Variants in ABCB1 observed in about 807,000 individuals in gnomAD.
ABCB1 encodes ATP binding cassette subfamily B member 1, also known as ATP-dependent translocase ABCB1.
Under a neutral mutation model 142.0 loss-of-function variants are expected in ABCB1, and 69 were observed. The ratio of observed to expected loss-of-function variants is 0.49; its 90% confidence interval spans 0.40 to 0.59. The LOEUF (loss-of-function observed/expected upper bound fraction) is 0.59, where lower values mean the gene tolerates loss of function less well. Among genes scored for constraint, ABCB1 ranks in the 20% least tolerant of loss-of-function variants. ABCB1 has a pLI of 0.00. For missense variants in ABCB1, 1,326 were observed against 1,554.7 expected (o/e 0.85, Z 2.47); for synonymous variants, 532 against 539.2 (o/e 0.99, Z 0.18).
intron 7 of ABCB1, among the ~76,000 whole-genome samples, chr7:87,563,934 G>A (rs192998990): frequency 2.0e-5 from 3 of 152,314 alleles, no homozygotes; most frequent in Admixed American, 2.0e-4. Context: ...AATACTGCAT[G>A]TTCTCACTTA....
At chr7:87,616,103 A>G (rs1820024379) in intron 1 of ABCB1, among the ~76,000 whole-genome samples, 1 of 152,236 alleles carries the variant, frequency 6.6e-6, no homozygotes, top group African/African-American at 2.4e-5. Context: ...TAGTAGTGGT[A>G]TAAAATAATA....
At chr7:87,665,633 A>G (rs1288936849) in intron 1 of ABCB1, among the ~76,000 whole-genome samples, 2 of 152,094 alleles carry the variant, frequency 1.3e-5, no homozygotes, top group African/African-American at 4.8e-5. Context: ...AATTAATTTT[A>G]TTACCCAGGT....
At chr7:87,571,199 G>A (rs1351297829) in intron 4 of ABCB1, among the ~76,000 whole-genome samples, 2 of 152,168 alleles carry the variant, frequency 1.3e-5, no homozygotes, top group Admixed American at 1.3e-4. Flanking sequence ...TGAACAATAT[G>A]GACAAAAGTC....
chr7:87,507,997 G>T (rs1814822812), intron 26 of ABCB1, among the ~76,000 whole-genome samples: 1 of 91,372 alleles, frequency 1.1e-5, no homozygotes. Flanking sequence ...GGGAGGGAAG[G>T]GGGGTAAGTG....
At chr7:87,711,076 C>A (rs1481290048) in intron 1 of ABCB1, among the ~76,000 whole-genome samples, 1 of 151,998 alleles carries the variant, frequency 6.6e-6, no homozygotes, top group Non-Finnish European at 1.5e-5. Context: ...CCTATAATCC[C>A]AGCACTTTGG....
At position 87,662,449 on chromosome 7, in the gene ABCB1, C is replaced by T. The variant is rs35229105; in HGVS notation, c.-331+50712G>A. Among the ~76,000 whole-genome samples the T allele has an allele frequency of 8.0e-3, 1,225 of 152,190 alleles. 13 individuals are homozygous for T. Among genetic ancestry groups the T allele is most frequent in the East Asian group, 0.049 (255 of 5,178 alleles). The stretch of plus-strand genomic sequence containing the variant: ...TTTGTATACAGTGAGAGAGAGGGGT[C>T]TAGTTTCATTCTTCTGCATATGGAT... On this transcript the variant is annotated intron_variant, in intron 1 of 28. Coordinates refer to the ABCB1 transcript ENST00000265724.
chr7:87,620,659 A>G (rs1322616915), intron 1 of ABCB1, among the ~76,000 whole-genome samples: 4 of 152,266 alleles, frequency 2.6e-5, no homozygotes, highest in South Asian at 4.1e-4. Context: ...TATTTTTCTG[A>G]GCTAGTGCCT....
Position 87,515,420 on chromosome 7 carries a change from C to T in ABCB1, c.3093G>A (p.Leu1031=), listed in dbSNP as rs150114592. 1.8e-5 allele frequency: 29 copies of T among 1,613,888 alleles called. No homozygotes were observed. The highest frequency in any genetic ancestry group is 2.3e-5 in the Non-Finnish European group (27 of 1,179,930). ...CTTCACCAAATGTGACATTTCCTTC[C>T]AATGTGTTCTGCAATGAGAAGAATA... ...YSTEGLMPNT[L]EGNVTFGEVV... is the part of the protein sequence containing the mutation. Residue 1031 remains leucine (L), a synonymous_variant, in exon 25 of 28, where the codon TTG becomes TTA. Transcript: ENST00000622132.
chr7:87,542,792 C>T lies in ABCB1; in HGVS notation c.2212-1328G>A, dbSNP rs1584863396. 2.0e-5 allele frequency among the ~76,000 whole-genome samples: 3 copies of T among 152,064 alleles called. 1 individual carries two copies. The East Asian group carries it at 5.8e-4, about 29-fold the overall frequency. On this transcript the variant is annotated intron_variant, in intron 17 of 27. Coordinates refer to ENST00000622132, the MANE Select transcript of ABCB1 (RefSeq NM_001348946.2). ...GTTTATATAAAGTTTTAATGGAACA[C>T]AGTCGTGTTCATTCATTTCCACATT...
intron 2 of ABCB1, among the ~76,000 whole-genome samples, chr7:87,599,434 G>A (rs566828156): frequency 1.3e-5 from 2 of 152,234 alleles, no homozygotes; most frequent in Admixed American, 6.5e-5. Context: ...GCCATTTACC[G>A]GAAGCAAGAG....
At chr7:87,668,088 G>C (rs760196545) in intron 1 of ABCB1, among the ~76,000 whole-genome samples, 1 of 151,120 alleles carries the variant, frequency 6.6e-6, no homozygotes, top group African/African-American at 2.4e-5. Flanking sequence ...ATGTCTGGTA[G>C]AATTCAGTTA....
chr7:87,552,512 C>G (rs1817118012), intron 9 of ABCB1, among the ~76,000 whole-genome samples: 1 of 151,962 alleles, frequency 6.6e-6, no homozygotes, highest in Non-Finnish European at 1.5e-5. Flanking sequence ...CCCCACACTC[C>G]CTATTTTGGA....
intron 1 of ABCB1, among the ~76,000 whole-genome samples, chr7:87,698,079 A>G (rs1828654875): frequency 6.6e-6 from 1 of 152,198 alleles, no homozygotes; most frequent in South Asian, 2.1e-4. Context: ...TGTAAGTAGC[A>G]AAATTTTATT....
intron 1 of ABCB1, among the ~76,000 whole-genome samples, chr7:87,680,183 A>G (rs1826786550): frequency 6.7e-6 from 1 of 150,366 alleles, no homozygotes; most frequent in Non-Finnish European, 1.5e-5. Flanking sequence ...AGCTTCATCC[A>G]TGTCCCTGCA....
intron 3 of ABCB1, among the ~76,000 whole-genome samples, chr7:87,589,266 A>G (rs896374086): frequency 7.2e-5 from 11 of 152,172 alleles, no homozygotes; most frequent in African/African-American, 2.7e-4. Flanking sequence ...CACACAGAAA[A>G]CCTTACATAG....
intron 1 of ABCB1, among the ~76,000 whole-genome samples, chr7:87,629,904 C>G (rs1821029436): frequency 1.4e-5 from 2 of 146,222 alleles, no homozygotes; most frequent in Non-Finnish European, 3.0e-5. Flanking sequence ...GCCGGGACCA[C>G]AGGGGGAGAC....
intron 1 of ABCB1, chr7:87,713,029 T>G (rs368206190): frequency 5.3e-5 from 8 of 152,276 alleles, no homozygotes; most frequent in East Asian, 3.9e-4. Flanking sequence ...CACTAATTTT[T>G]TTTACTGAGA....
At chr7:87,585,711 A>C (rs1176473890) in intron 3 of ABCB1, 31 bp from the exon 4 acceptor site, 1 of 1,607,194 alleles carries the variant, frequency 6.2e-7, no homozygotes, top group Admixed American at 1.7e-5. Flanking sequence ...ATAGCAGAGG[A>C]AAAATTAGTA....
At chr7:87,605,813 ATG>A (rs1242035204), upstream of ABCB1, among the ~76,000 whole-genome samples, 1 of 152,238 alleles carries the variant, frequency 6.6e-6, no homozygotes, top group Non-Finnish European at 1.5e-5. Context: ...GTAAGATTTG[ATG>A]TGTGTTTAGT....
Sources: allele counts gnomAD v4.1 joint callset (sites outside exome capture counted in the v4.1 genomes callset), GRCh38; gene constraint gnomAD v4.1.1; transcripts MANE v1.5; gene names NCBI Gene and HGNC (gene_info 2026-07-23, HGNC 2026-07-21).